Variants in HMGXB4 observed in about 807,000 individuals in gnomAD.
HMGXB4 encodes the protein HMG domain-containing protein 4.
HMGXB4 carries 27 observed loss-of-function variants against 63.9 expected under a neutral mutation model. That is an observed-to-expected ratio of 0.42 (90% CI 0.31 to 0.58). The LOEUF is 0.58. HMGXB4 is among the 20% of genes least tolerant of loss of function. The pLI is 0.13. For synonymous variants in HMGXB4, 264 were observed against 265.3 expected, an observed-to-expected ratio of 0.99 and a Z score of 0.05; for missense variants, 624 against 700.7, an observed-to-expected ratio of 0.89 and a Z score of 1.24.
At position 35,295,666 on chromosome 22, in the gene HMGXB4, G is replaced by T. The variant is rs550741439; in HGVS notation, c.*2015G>T. ...TATTAGAGGAAAAACTTTGGATTCAGACCTTCTTGCAGTTTTTATATCATT... is the reference window on the plus strand; with the variant it reads ...TATTAGAGGAAAAACTTTGGATTCATACCTTCTTGCAGTTTTTATATCATT... On this transcript the variant is annotated 3_prime_UTR_variant, in exon 11 of 11. Transcript: ENST00000216106. 6.6e-6 allele frequency: 1 copy of T among 152,618 alleles called. No individual in the cohort carries two copies. Among genetic ancestry groups the T allele is most frequent in the Admixed American group, 6.5e-5 (1 of 15,290 alleles). The allele number at this position is 152,618 out of a possible 1,614,324, so 9.5% of individuals were successfully genotyped here. A position where few individuals can be genotyped will look rare whatever the true frequency, so the allele number is the denominator to read the frequency against.
At chr22:35,293,201 C>T (rs1925033933) in intron 10 of HMGXB4, 87 bp downstream of exon 10, 1 of 1,434,330 alleles carries the variant, frequency 7.0e-7, no homozygotes, top group Non-Finnish European at 9.8e-7. Flanking sequence ...ACACATAAGG[C>T]TTTGTGACAC....
chr22:35,264,117 C>A, intron 4 of HMGXB4: 8 of 1,413,106 alleles, frequency 5.7e-6, no homozygotes, highest in Non-Finnish European at 7.7e-6. Context: ...CCTTCTCCCC[C>A]CAATCATCCA....
intron 5 of HMGXB4, among the ~76,000 whole-genome samples, chr22:35,271,089 A>G (rs1601631353): frequency 6.6e-6 from 1 of 151,106 alleles, no homozygotes; most frequent in Admixed American, 6.6e-5. Flanking sequence ...GCAAGACTCT[A>G]CCTCTTAATT....
intron 5 of HMGXB4, among the ~76,000 whole-genome samples, chr22:35,281,176 A>G (rs566533931): frequency 1.3e-5 from 2 of 152,340 alleles, no homozygotes; most frequent in African/African-American, 2.4e-5. Context: ...ACTATCACAT[A>G]TTAGAAAAGC....
rs1922920764 is a variant in HMGXB4, at chr22:35,262,439, G to C, written c.31+18G>C. ...GAAAGAAGGTATGACCCCATAATCTGAGAAGCATTCCAAAGGGGGTATCCT... is the reference window on the plus strand; with the variant it reads ...GAAAGAAGGTATGACCCCATAATCTCAGAAGCATTCCAAAGGGGGTATCCT... On this transcript the variant is annotated intron_variant, in intron 2 of 10. Coordinates refer to ENST00000216106, the MANE Select transcript of HMGXB4 (RefSeq NM_001003681.3). The C allele has an allele frequency of 1.2e-6, 2 of 1,612,062 alleles. No individual in the cohort carries two copies.
chr22:35,243,334 C>T, the HMGXB4 span, among the ~76,000 whole-genome samples: 6 of 151,648 alleles, frequency 4.0e-5, no homozygotes, highest in Non-Finnish European at 5.9e-5. Flanking sequence ...CACGCCATTG[C>T]ACTCCAGCCT....
chr22:35,293,492 A>G, intron 10 of HMGXB4, 115 bp from the exon 11 acceptor site: 1 of 721,602 alleles, frequency 1.4e-6, no homozygotes, highest in Non-Finnish European at 2.4e-6. Flanking sequence ...CTTCATTCTC[A>G]CCTGTTTTTC....
chr22:35,282,332 A>G (rs902373998), intron 5 of HMGXB4, among the ~76,000 whole-genome samples: 2 of 152,198 alleles, frequency 1.3e-5, no homozygotes, highest in East Asian at 1.9e-4. Flanking sequence ...GCCCACCACC[A>G]TGCCCGGCTA....
intron 2 of HMGXB4, 69 bp from the exon 3 acceptor site, chr22:35,263,009 G>A: frequency 7.1e-7 from 1 of 1,411,002 alleles, no homozygotes; most frequent in Non-Finnish European, 9.9e-7. Flanking sequence ...TGCATTACCT[G>A]CATGACGATT....
At chr22:35,276,387 G>A (rs1365788491) in intron 5 of HMGXB4, among the ~76,000 whole-genome samples, 2 of 152,152 alleles carry the variant, frequency 1.3e-5, no homozygotes, top group Admixed American at 6.5e-5. Context: ...AGCTACAAAC[G>A]TCAGAATCAC....
At chr22:35,271,293 T>G (rs549963444) in intron 5 of HMGXB4, among the ~76,000 whole-genome samples, 1 of 152,012 alleles carries the variant, frequency 6.6e-6, no homozygotes, top group South Asian at 2.1e-4. Flanking sequence ...GATTTAGGAG[T>G]AGTGTTTCTT....
At chr22:35,281,682 T>C (rs1278053886) in intron 5 of HMGXB4, among the ~76,000 whole-genome samples, 1 of 152,258 alleles carries the variant, frequency 6.6e-6, no homozygotes, top group Non-Finnish European at 1.5e-5. Flanking sequence ...GTGAGATTGA[T>C]TGTACAGTTG....
chr22:35,265,218 C>T lies in HMGXB4; in HGVS notation c.830C>T (p.Ser277Phe). 2.5e-6 allele frequency: 4 copies of T among 1,614,096 alleles called. No homozygotes were observed. The highest frequency in any genetic ancestry group is 3.4e-6 in the Non-Finnish European group (4 of 1,180,028). ...TCTGACGCCTCCCAGTTCGCAGAGT[C>T]CCACAGTGCTAACCTTGATCTTTCA... ...CGSDASQFAE[S>F]HSANLDLSGL... Residue 277 changes from serine (S) to phenylalanine (F), a missense_variant, in exon 5 of 11, where the codon TCC becomes TTC. Transcript: ENST00000216106.
intron 4 of HMGXB4, chr22:35,264,091 C>G: frequency 6.6e-7 from 1 of 1,524,140 alleles, no homozygotes; most frequent in East Asian, 2.5e-5. Context: ...ATTTGTGATA[C>G]ACCAGGTACC....
Position 35,271,150 on chromosome 22 carries a change from A to G in HMGXB4, c.1215+5547A>G, listed in dbSNP as rs114886855. 5.8e-3 allele frequency among the ~76,000 whole-genome samples: 874 copies of G among 151,940 alleles called. 6 individuals carry two copies. Among genetic ancestry groups the G allele is most frequent in the African/African-American group, 0.02 (841 of 41,408 alleles). ...GGTGGCAAGCACCTGAGTTTCAGCT[A>G]CTTAGGAGGGTGAGGCAGGAGTATT... On this transcript the variant is annotated intron_variant, in intron 5 of 10. Coordinates refer to ENST00000216106, the MANE Select transcript of HMGXB4 (RefSeq NM_001003681.3).
intron 6 of HMGXB4, among the ~76,000 whole-genome samples, 185 bp downstream of exon 6, chr22:35,284,228 C>T (rs952605276): frequency 6.6e-6 from 1 of 152,330 alleles, no homozygotes; most frequent in East Asian, 1.9e-4. Context: ...ATACATATCT[C>T]TTAAACGGAT....
chr22:35,244,383 T>C, the HMGXB4 span, among the ~76,000 whole-genome samples: 1 of 151,776 alleles, frequency 6.6e-6, no homozygotes, highest in Non-Finnish European at 1.5e-5. Context: ...AACCTCTGCC[T>C]CCTCGTAAAA....
At chr22:35,262,645 A>G (rs1416036552) in intron 2 of HMGXB4, 2 of 581,444 alleles carry the variant, frequency 3.4e-6, no homozygotes, top group Non-Finnish European at 6.1e-6. Context: ...TGAGTCTCTT[A>G]GTTTATTGGG....
Position 35,292,972 on chromosome 22 carries a change from C to G in HMGXB4, c.1639-20C>G. 6 of 1,614,190 alleles carry G rather than the reference C, an allele frequency of 3.7e-6. No individual in the cohort carries two copies. The highest frequency in any genetic ancestry group is 5.1e-6 in the Non-Finnish European group (6 of 1,180,006). On this transcript the variant is annotated intron_variant, in intron 9 of 10. Coordinates refer to ENST00000216106, the MANE Select transcript of HMGXB4 (RefSeq NM_001003681.3). ...AGCATCAGGAGTGTGACTCAAGCAACAACCTCCTCTCCTTTTCAGGGTATG... is the reference window on the plus strand; with the variant it reads ...AGCATCAGGAGTGTGACTCAAGCAAGAACCTCCTCTCCTTTTCAGGGTATG...
Sources: gnomAD v4.1 joint callset for allele counts (sites outside exome capture counted in the v4.1 genomes callset) on GRCh38, gnomAD v4.1.1 for gene constraint, MANE v1.5 for transcripts, NCBI Gene and HGNC (gene_info 2026-07-23, HGNC 2026-07-21) for gene names.